ZNF541: variants seen among roughly 807,000 people sequenced by gnomAD.
ZNF541 encodes zinc finger protein 541.
In ZNF541, 23 loss-of-function variants were observed where a neutral mutation model predicts 123.5. The ratio of observed to expected loss-of-function variants is 0.19; its 90% CI spans 0.13 to 0.26. The LOEUF is 0.26. ZNF541 is among the 10% of genes least tolerant of loss of function. The probability of loss-of-function intolerance (pLI) is 1.00; values close to 1 mark genes in which losing one functional copy is unlikely to be tolerated. For missense variants in ZNF541, 1,612 were observed against 1,789.9 expected, an observed-to-expected ratio of 0.90 and a Z score of 1.79; for synonymous variants, 751 against 754.5, an observed-to-expected ratio of 1.00 and a Z score of 0.08.
intron 2 of ZNF541, among the ~76,000 whole-genome samples, chr19:47,564,366 A>G (rs1457622606): frequency 1.3e-5 from 2 of 152,180 alleles, no homozygotes; most frequent in Non-Finnish European, 2.9e-5. Context: ...AACCCTCTCT[A>G]CCGATACTGA....
intron 14 of ZNF541, among the ~76,000 whole-genome samples, chr19:47,524,296 C>T (rs954525195): frequency 6.6e-6 from 1 of 152,208 alleles, no homozygotes; most frequent in African/African-American, 2.4e-5. Flanking sequence ...CAGGATAACA[C>T]GGCACATCAG....
chr19:47,547,670 T>C (rs566479300), intron 4 of ZNF541, among the ~76,000 whole-genome samples: 3 of 152,230 alleles, frequency 2.0e-5, no homozygotes, highest in East Asian at 1.9e-4. Flanking sequence ...TCAAAGCCCC[T>C]TGTGAAAGGG....
At chr19:47,556,399 T>C (rs1970821635) in intron 2 of ZNF541, among the ~76,000 whole-genome samples, 1 of 152,170 alleles carries the variant, frequency 6.6e-6, no homozygotes, top group Admixed American at 6.6e-5. Flanking sequence ...ATTTGTCCAA[T>C]ATGGTGGCCA....
chr19:47,557,190 G>A (rs1220412252), intron 2 of ZNF541, among the ~76,000 whole-genome samples: 1 of 152,116 alleles, frequency 6.6e-6, no homozygotes, highest in Non-Finnish European at 1.5e-5. Flanking sequence ...ATTATCAAAT[G>A]CTGCCCTGCC....
intron 3 of ZNF541, among the ~76,000 whole-genome samples, chr19:47,550,321 GAA>G (rs1289997569): frequency 6.8e-6 from 1 of 146,916 alleles, no homozygotes; most frequent in Non-Finnish European, 1.5e-5. Flanking sequence ...AAGAGAGAGA[GAA>G]AGAGAGAGAG....
At chr19:47,562,469 G>A (rs142536658) in intron 2 of ZNF541, among the ~76,000 whole-genome samples, 34 of 151,516 alleles carry the variant, frequency 2.2e-4, no homozygotes, top group Middle Eastern at 3.4e-3. Context: ...GCTTGAACCC[G>A]GGAGATGGAG....
chr19:47,521,183 G>A lies in ZNF541; in HGVS notation c.*41C>T. The A allele has an allele frequency of 1.9e-6, 3 of 1,541,152 alleles. No individual in the cohort carries two copies. The highest frequency in any genetic ancestry group is 1.4e-5 in the African/African-American group (1 of 73,000). On this transcript the variant is annotated 3_prime_UTR_variant, in exon 17 of 17. Transcript: ENST00000391901. This position sits in a 1 kb window ranked among gnomAD's most constrained non-coding sequence, Gnocchi z 4.2. ...CCCTGGAGAGGCCGAAGGGAGGAGG[G>A]GCAGCACTGGAGGCCCCATTCGGAC...
intron 3 of ZNF541, 114 bp downstream of exon 3, chr19:47,555,436 T>C (rs1970778275): frequency 1.0e-6 from 1 of 986,438 alleles, no homozygotes; most frequent in Admixed American, 3.1e-5. Context: ...GTTCCCTAAG[T>C]CACCTGTAGG....
chr19:47,526,211 G>A (rs1969287432), intron 14 of ZNF541, among the ~76,000 whole-genome samples: 2 of 152,128 alleles, frequency 1.3e-5, no homozygotes, highest in Non-Finnish European at 2.9e-5. Flanking sequence ...GCTGGGCGCG[G>A]TGGCTCACGC....
intron 8 of ZNF541, 139 bp from the exon 9 acceptor site, chr19:47,538,578 GC>G: frequency 1.1e-6 from 1 of 901,904 alleles, no homozygotes; most frequent in Non-Finnish European, 1.6e-6. Context: ...AAGGAGGCTG[GC>G]CACACCTGAG....
At chr19:47,527,913 G>A (rs562399792) in intron 14 of ZNF541, among the ~76,000 whole-genome samples, 2 of 149,990 alleles carry the variant, frequency 1.3e-5, no homozygotes, top group Admixed American at 1.3e-4. Flanking sequence ...TGGTCAGGCT[G>A]GTCTCGAACT....
At chr19:47,539,906 T>C (rs1265288415) in intron 7 of ZNF541, 28 bp from the exon 8 acceptor site, 2 of 1,517,710 alleles carry the variant, frequency 1.3e-6, no homozygotes, top group Non-Finnish European at 1.8e-6. Flanking sequence ...GAGATGGCTC[T>C]TTAAGAGATA....
At position 47,545,401 on chromosome 19, in the gene ZNF541, C is replaced by A; in HGVS notation, c.1128G>T (p.Gln376His). Reference sequence around the variant, plus strand: ...GCCAGCACTCCGCGGTGGACCGGGCCTGGAGCAGCGCGGTATCTGGCTCCG... The same window carrying A: ...GCCAGCACTCCGCGGTGGACCGGGCATGGAGCAGCGCGGTATCTGGCTCCG... ...PEPEPDTALL[Q>H]ARSTAECWPE... is the part of the protein sequence containing the mutation. Residue 376 changes from glutamine to histidine, a missense_variant, in exon 5 of 17, where the codon CAG becomes CAT. By Grantham distance (24) the Gln-to-His change is conservative. Around this residue, in one of 5 missense-constraint regions of ZNF541, gnomAD observed 1,080 missense variants for 1,013.8 expected, o/e 1.07. Coordinates refer to ENST00000391901, the MANE Select transcript of ZNF541 (RefSeq NM_001277075.3). This position sits in a 1 kb window ranked among gnomAD's most constrained non-coding sequence, Gnocchi z 7.5. The A allele has an allele frequency of 6.6e-7, 1 of 1,507,998 alleles. No homozygotes were observed. The highest frequency in any genetic ancestry group is 8.9e-7 in the Non-Finnish European group (1 of 1,125,794). The allele number at this position is 1,507,998 out of a possible 1,614,324, so 93.4% of individuals were successfully genotyped here.
intron 2 of ZNF541, among the ~76,000 whole-genome samples, chr19:47,563,346 G>A (rs562082148): frequency 2.0e-5 from 3 of 152,142 alleles, no homozygotes; most frequent in African/African-American, 4.8e-5. Flanking sequence ...ACCACTCAGC[G>A]TACGTGAAAT....
chr19:47,551,873 G>C (rs1970614393), intron 3 of ZNF541, among the ~76,000 whole-genome samples: 1 of 151,784 alleles, frequency 6.6e-6, no homozygotes, highest in South Asian at 2.1e-4. Flanking sequence ...TTGTTTGTTT[G>C]TTGAGATGGA....
intron 4 of ZNF541, 80 bp downstream of exon 4, chr19:47,549,165 G>T: frequency 1.3e-6 from 2 of 1,528,242 alleles, no homozygotes; most frequent in South Asian, 2.5e-5. Context: ...GTTGATCTGG[G>T]AGAATAGGAA....
chr19:47,544,614 A>G lies in ZNF541; in HGVS notation c.1915T>C (p.Ser639Pro), dbSNP rs1970236483. Residue 639 changes from serine (S) to proline (P), a missense_variant, in exon 5 of 17, where the codon TCC (serine) becomes CCC (proline). Around this residue, in one of 5 missense-constraint regions of ZNF541, gnomAD observed 1,080 missense variants for 1,013.8 expected, o/e 1.07. Transcript: ENST00000391901. Reference protein sequence around the residue: ...KTTPGVPREASPGSTRRDAKG... With the variant: ...KTTPGVPREAPPGSTRRDAKG... ...GCGTCTCGTCTCGTGCTGCCGGGGG[A>G]GGCCTCTCTGGGAACCCCGGGTGTG... The G allele has an allele frequency of 1.3e-6, 2 of 1,550,640 alleles. No homozygotes were observed. The highest frequency in any genetic ancestry group is 1.7e-6 in the Non-Finnish European group (2 of 1,146,844).
At position 47,541,675 on chromosome 19, in the gene ZNF541, C is replaced by T. The variant is rs535645913; in HGVS notation, c.2404-724G>A. Among the ~76,000 whole-genome samples the T allele has an allele frequency of 4.5e-4, 69 of 152,268 alleles. 1 individual carries two copies. Among genetic ancestry groups the T allele is most frequent in the African/African-American group, 1.5e-3 (63 of 41,554 alleles). ...GAAAGGTGTTCAACGTCAGCAGCCA[C>T]GGGGAAATACAAATCAAAACCACAA... is the stretch of plus-strand genomic sequence containing the variant. On this transcript the variant is annotated intron_variant, in intron 5 of 16. Transcript: ENST00000391901.
rs1326953613 is a variant in ZNF541, at chr19:47,540,886, A to G, written c.2462+7T>C. The stretch of plus-strand genomic sequence containing the variant: ...GTGCATGCAGGATCGGGGGCTTCTT[A>G]ACTTACCCTCTGCCTGCCACATTCT... On this transcript the variant is annotated splice_region_variant and intron_variant, in intron 6 of 16. Transcript: ENST00000391901. The G allele has an allele frequency of 7.1e-6, 11 of 1,551,100 alleles. No individual in the cohort carries two copies. Among genetic ancestry groups the G allele is most frequent in the Non-Finnish European group, 9.6e-6 (11 of 1,146,806 alleles).
Sources: gnomAD v4.1 joint callset for allele counts (sites outside exome capture counted in the v4.1 genomes callset) on GRCh38, gnomAD v4.1.1 for gene constraint, gnomAD v4.1.1 regional missense constraint, Gnocchi (gnomAD v3.1) non-coding constraint, MANE v1.5 for transcripts, NCBI Gene and HGNC (gene_info 2026-07-23, HGNC 2026-07-21) for gene names.